EPAS1: variants seen among roughly 807,000 people sequenced by gnomAD.
The protein encoded by EPAS1 is endothelial PAS domain protein 1, also known as endothelial PAS domain-containing protein 1.
In EPAS1, 23 loss-of-function variants were observed where a neutral mutation model predicts 87.9. The observed-to-expected ratio is 0.26, with a 90% CI of 0.19 to 0.37. The LOEUF is 0.37. EPAS1 is among the 10% of genes least tolerant of loss of function. EPAS1 has a pLI of 1.00. For missense variants in EPAS1, 1,138 were observed against 1,120.7 expected, an observed-to-expected ratio of 1.02 and a Z score of -0.22; for synonymous variants, 508 against 444.3, an observed-to-expected ratio of 1.14 and a Z score of -1.80.
intron 1 of EPAS1, among the ~76,000 whole-genome samples, chr2:46,342,451 G>T (rs1683931615): frequency 6.6e-6 from 1 of 152,194 alleles, no homozygotes; most frequent in African/African-American, 2.4e-5. Context: ...ATTAGCCTCA[G>T]TCATCTCTTT....
intron 12 of EPAS1, chr2:46,381,339 A>G: frequency 1.8e-6 from 1 of 545,182 alleles, no homozygotes; most frequent in Non-Finnish European, 3.3e-6. Flanking sequence ...AAACCCTCCT[A>G]AGGACTAACA....
intron 1 of EPAS1, among the ~76,000 whole-genome samples, chr2:46,325,200 C>T (rs1406271541): frequency 6.6e-6 from 1 of 152,164 alleles, no homozygotes; most frequent in South Asian, 2.1e-4. Flanking sequence ...TCTGTATGTT[C>T]TAGGTTAGAG....
At chr2:46,333,106 T>C (rs1316695802) in intron 1 of EPAS1, among the ~76,000 whole-genome samples, 8 of 152,170 alleles carry the variant, frequency 5.3e-5, no homozygotes, top group Admixed American at 4.6e-4. Flanking sequence ...TCATGGGGTG[T>C]TAAGCAACCT....
In EPAS1 at chr2:46,297,863, G is replaced by C; in HGVS notation, c.-49G>C. The C allele has an allele frequency of 1.9e-6, 3 of 1,598,236 alleles. No homozygotes were observed. The highest frequency in any genetic ancestry group is 2.6e-6 in the Non-Finnish European group (3 of 1,172,768). On this transcript the variant is annotated 5_prime_UTR_variant, in exon 1 of 16. Transcript: ENST00000263734. ...GAGGGCCACAGCCCCCCACCCGCCA[G>C]GGAGCCCAGGTGCTCGGCGTCTGAA...
At position 46,386,280 on chromosome 2, in the gene EPAS1, G is replaced by C. The variant is rs886056102; in HGVS notation, c.*1620G>C. On this transcript the variant is annotated 3_prime_UTR_variant, in exon 16 of 16. Coordinates refer to ENST00000263734, the MANE Select transcript of EPAS1 (RefSeq NM_001430.5). ...TCTAAAAACACACACAAAGCACATTGGGCCAACTATTTAGTAAGCCCGGAT... is the reference window on the plus strand; with the variant it reads ...TCTAAAAACACACACAAAGCACATTCGGCCAACTATTTAGTAAGCCCGGAT... 4 of 152,522 alleles carry C rather than the reference G, an allele frequency of 2.6e-5. No individual in the cohort carries two copies. The highest frequency in any genetic ancestry group is 2.0e-4 in the Admixed American group (3 of 15,274). The allele number at this position is 152,522 out of a possible 1,614,324, so 9.4% of individuals were successfully genotyped here.
In EPAS1 at chr2:46,382,458, G is replaced by C. The variant is rs761264325; in HGVS notation, c.2321G>C (p.Gly774Ala). ...ACCCAAAACCCCATGAGGGGCCTGG[G>C]CCATCCCCTGAGACATCTGCCGCTG... ...KFTQNPMRGL[G>A]HPLRHLPLPQ... The change falls in exon 15 of 16, where the codon GGC becomes GCC. Residue 774 changes from glycine to alanine, a missense_variant. Gly to Ala is a moderately conservative substitution (Grantham distance 60). Around this residue, in one of 4 missense-constraint regions of EPAS1, gnomAD observed 502 missense variants for 427.1 expected, o/e 1.18. Coordinates refer to ENST00000263734, the MANE Select transcript of EPAS1 (RefSeq NM_001430.5). 26 of 1,614,124 alleles carry C rather than the reference G, an allele frequency of 1.6e-5. No individual in the cohort carries two copies. The highest frequency in any genetic ancestry group is 2.1e-5 in the Non-Finnish European group (25 of 1,180,032).
intron 1 of EPAS1, among the ~76,000 whole-genome samples, chr2:46,326,082 G>C (rs186311531): frequency 2.2e-4 from 34 of 152,340 alleles, no homozygotes; most frequent in Admixed American, 1.3e-4. Context: ...ATTCTGTGCT[G>C]CTGGGATTGG....
chr2:46,331,479 C>T (rs968467703), intron 1 of EPAS1, among the ~76,000 whole-genome samples: 2 of 152,138 alleles, frequency 1.3e-5, no homozygotes. Context: ...GTAAGGGTGG[C>T]CTTTTAGAAC....
chr2:46,346,671 T>C lies in EPAS1; in HGVS notation c.27-202T>C, dbSNP rs981613614. ...AGGGAATGCAAGAGGAGGACTTTGGTTGTGAAGACACCAACACACACAAAA... is the reference window on the plus strand; with the variant it reads ...AGGGAATGCAAGAGGAGGACTTTGGCTGTGAAGACACCAACACACACAAAA... On this transcript the variant is annotated intron_variant, in intron 1 of 15. Coordinates refer to ENST00000263734, the MANE Select transcript of EPAS1 (RefSeq NM_001430.5). This position sits in a 1 kb window ranked among gnomAD's most constrained non-coding sequence, Gnocchi z 4.0. Among the ~76,000 whole-genome samples, 3 of 152,216 alleles carry C rather than the reference T, an allele frequency of 2.0e-5. No homozygotes were observed. Among genetic ancestry groups the C allele is most frequent in the Admixed American group, 2.0e-4 (3 of 15,284 alleles).
intron 11 of EPAS1, 152 bp downstream of exon 11, chr2:46,378,919 A>C: frequency 1.4e-6 from 1 of 722,824 alleles, no homozygotes; most frequent in Non-Finnish European, 2.5e-6. Flanking sequence ...GTAGGGGTAC[A>C]GGGTAATGGA....
At chr2:46,318,242 A>AACAC (rs1683383282) in intron 1 of EPAS1, among the ~76,000 whole-genome samples, 1 of 152,108 alleles carries the variant, frequency 6.6e-6, no homozygotes, top group Non-Finnish European at 1.5e-5. Flanking sequence ...GACCAGTCAG[A>AACAC]ACACACACAA....
intron 2 of EPAS1, among the ~76,000 whole-genome samples, chr2:46,351,260 C>T (rs6724065): frequency 6.6e-6 from 1 of 152,046 alleles, no homozygotes; most frequent in South Asian, 2.1e-4. Flanking sequence ...TAAAAAGTCT[C>T]GTCAGTCAAC....
chr2:46,362,524 G>A (rs1010997865), intron 6 of EPAS1, among the ~76,000 whole-genome samples: 1 of 152,192 alleles, frequency 6.6e-6, no homozygotes, highest in East Asian at 1.9e-4. Flanking sequence ...AATCTGCCTT[G>A]TCTTCCTCAG....
intron 1 of EPAS1, among the ~76,000 whole-genome samples, chr2:46,301,705 G>C (rs1377377218): frequency 6.6e-6 from 1 of 151,878 alleles, no homozygotes; most frequent in African/African-American, 2.4e-5. Flanking sequence ...ATTTCCGAAG[G>C]AGTGCCTTCC....
At chr2:46,382,168 C>G (rs867431847) in intron 14 of EPAS1, 79 bp downstream of exon 14, 1 of 1,343,252 alleles carries the variant, frequency 7.4e-7, no homozygotes, top group Non-Finnish European at 1.0e-6. Flanking sequence ...CCTGGTTCTT[C>G]CATTCACCAC....
chr2:46,313,135 T>C (rs532484618), intron 1 of EPAS1, among the ~76,000 whole-genome samples: 2 of 152,318 alleles, frequency 1.3e-5, no homozygotes, highest in African/African-American at 4.8e-5. Context: ...ACCTTGTCCT[T>C]CCGGTGTTAC....
At chr2:46,365,561 T>G (rs1461692699) in intron 6 of EPAS1, among the ~76,000 whole-genome samples, 3 of 152,164 alleles carry the variant, frequency 2.0e-5, no homozygotes, top group Admixed American at 6.5e-5. Flanking sequence ...ACACACAACC[T>G]TCCTATGTAT....
chr2:46,327,782 T>C (rs1558588795), intron 1 of EPAS1, among the ~76,000 whole-genome samples: 1 of 152,184 alleles, frequency 6.6e-6, no homozygotes, highest in Non-Finnish European at 1.5e-5. Context: ...TGTTCTGCCC[T>C]GTTCAGCTTT....
At chr2:46,358,780 T>C (rs1427951577) in intron 4 of EPAS1, among the ~76,000 whole-genome samples, 1 of 152,202 alleles carries the variant, frequency 6.6e-6, no homozygotes, top group East Asian at 1.9e-4. Context: ...TGCCAGCCTA[T>C]GGGTGGACTC....
Sources: allele counts gnomAD v4.1 joint callset (sites outside exome capture counted in the v4.1 genomes callset), GRCh38; gene constraint gnomAD v4.1.1; regional missense constraint gnomAD v4.1.1; non-coding constraint Gnocchi (gnomAD v3.1); transcripts MANE v1.5; gene names NCBI Gene and HGNC (gene_info 2026-07-23, HGNC 2026-07-21).